Variants in MYO6 observed in about 807,000 individuals in gnomAD.
The protein encoded by MYO6 is unconventional myosin-VI.
In MYO6, 74 loss-of-function variants were observed where a neutral mutation model predicts 178.7. The ratio of observed to expected loss-of-function variants is 0.41; its 90% CI spans 0.34 to 0.50. MYO6 has a LOEUF of 0.50. MYO6 is among the 20% of genes least tolerant of loss of function. The pLI, the probability that MYO6 is intolerant of heterozygous loss-of-function variation, is 0.09. For missense variants in MYO6, 1,330 were observed against 1,547.4 expected, an observed-to-expected ratio of 0.86 and a Z score of 2.36; for synonymous variants, 477 against 504.6, an observed-to-expected ratio of 0.95 and a Z score of 0.73.
chr6:75,872,802 C>T (rs1247746744), intron 19 of MYO6, among the ~76,000 whole-genome samples: 3 of 137,426 alleles, frequency 2.2e-5, no homozygotes, highest in East Asian at 2.0e-4. Flanking sequence ...TTTTTTTTGA[C>T]GGAGTCTCAC....
At chr6:75,905,988 T>C (rs1780285948) in intron 30 of MYO6, among the ~76,000 whole-genome samples, 1 of 152,218 alleles carries the variant, frequency 6.6e-6, no homozygotes, top group African/African-American at 2.4e-5. Context: ...GTATGTGTCT[T>C]CACTGCTTGC....
At chr6:75,824,598 C>T (rs1422566915) in intron 3 of MYO6, among the ~76,000 whole-genome samples, 2 of 151,958 alleles carry the variant, frequency 1.3e-5, no homozygotes, top group Admixed American at 6.6e-5. Context: ...ATGCATATTT[C>T]TAAAATTCTT....
At chr6:75,860,910 C>A in intron 14 of MYO6, 113 bp from the exon 15 acceptor site, 1 of 820,796 alleles carries the variant, frequency 1.2e-6, no homozygotes. Context: ...AAGGCTATAC[C>A]AGTTTGTATA....
chr6:75,817,388 C>A, intron 1 of MYO6, 113 bp from the exon 2 acceptor site: 1 of 679,130 alleles, frequency 1.5e-6, no homozygotes. Flanking sequence ...GTGGCATGGG[C>A]AGATGTGTTT....
Position 75,892,596 on chromosome 6 carries a change from C to G in MYO6, c.3013C>G (p.Gln1005Glu), listed in dbSNP as rs1349800744. ...ATCCCAACAGCAAGCAGTTCTGGAGCAGGAGCGCAGGGACCGGGAGCTGGC... is the reference window on the plus strand; with the variant it reads ...ATCCCAACAGCAAGCAGTTCTGGAGGAGGAGCGCAGGGACCGGGAGCTGGC... Reference protein sequence around the residue: ...EESQQQAVLEQERRDRELALR... With the variant: ...EESQQQAVLEEERRDRELALR... Residue 1005 changes from glutamine (Q) to glutamate (E), a missense_variant, in exon 28 of 35, where the codon CAG (glutamine) becomes GAG (glutamate). By Grantham distance (29) the Gln-to-Glu change is conservative (BLOSUM62 2). This residue lies in a region of MYO6 where 601 missense variants were observed against 626.1 expected (regional missense o/e 0.96). Transcript: ENST00000369977. The G allele has an allele frequency of 6.2e-7, 1 of 1,613,592 alleles. No individual in the cohort carries two copies. The highest frequency in any genetic ancestry group is 2.2e-5 in the East Asian group (1 of 44,892).
rs1297859299 is a variant in MYO6 at position 75,918,359 on chromosome 6, A to T, written c.*3347A>T. On this transcript the variant is annotated 3_prime_UTR_variant, in exon 35 of 35. Transcript: ENST00000369977. Reference sequence around the variant, plus strand: ...AAAGAGAAGAGCAACAGTGGAAGAGACAGGTTGTGTGCCCCTAAAGATTCT... The same window carrying T: ...AAAGAGAAGAGCAACAGTGGAAGAGTCAGGTTGTGTGCCCCTAAAGATTCT... The T allele has an allele frequency of 6.6e-6, 1 of 152,254 alleles. No homozygotes were observed. Among genetic ancestry groups the T allele is most frequent in the African/African-American group, 2.4e-5 (1 of 41,448 alleles). 9.4% of individuals were successfully genotyped at this position (152,254 alleles called of 1,614,324 possible).
At chr6:75,764,678 T>G (rs898371099) in intron 1 of MYO6, among the ~76,000 whole-genome samples, 1 of 152,102 alleles carries the variant, frequency 6.6e-6, no homozygotes, top group African/African-American at 2.4e-5. Flanking sequence ...GACTGCGTAT[T>G]TTGTTTATGT....
chr6:75,841,117 C>A, intron 8 of MYO6, 97 bp from the exon 9 acceptor site: 2 of 1,174,396 alleles, frequency 1.7e-6, no homozygotes, highest in Non-Finnish European at 2.4e-6. Context: ...CTTTGATAGA[C>A]AAATGGTATT....
chr6:75,754,977 C>T (rs941100025), intron 1 of MYO6, among the ~76,000 whole-genome samples: 1 of 152,156 alleles, frequency 6.6e-6, no homozygotes, highest in African/African-American at 2.4e-5. Flanking sequence ...TGCCGGTAAT[C>T]CCAGCACTTT....
intron 14 of MYO6, among the ~76,000 whole-genome samples, 161 bp downstream of exon 14, chr6:75,859,154 C>T (rs1775981103): frequency 1.3e-5 from 2 of 152,116 alleles, no homozygotes; most frequent in Non-Finnish European, 1.5e-5. Flanking sequence ...GGGGCTCAGG[C>T]ACGTCAGAAG....
At chr6:75,840,762 A>C (rs1203183037) in intron 8 of MYO6, 80 bp downstream of exon 8, 1 of 1,008,804 alleles carries the variant, frequency 9.9e-7, no homozygotes, top group East Asian at 2.5e-5. Context: ...CTGTATTTGC[A>C]CTTAATGGTA....
intron 1 of MYO6, among the ~76,000 whole-genome samples, chr6:75,787,676 TTCTCTCTC>T (rs765565236): frequency 0.017 from 423 of 24,860 alleles, 11 homozygotes; most frequent in Middle Eastern, 0.11. Context: ...AATGGAACTA[TTCTCTCTC>T]TCTCTCTCTC....
At chr6:75,787,726 CTCTCTATATATA>C (rs1474566912) in intron 1 of MYO6, among the ~76,000 whole-genome samples, 89 of 20,422 alleles carry the variant, frequency 4.4e-3, no homozygotes, top group East Asian at 5.6e-3. Flanking sequence ...CTCTCTCTCT[CTCTCTATATATA>C]TATATATATA....
intron 1 of MYO6, among the ~76,000 whole-genome samples, chr6:75,785,794 C>T (rs185046632): frequency 1.2e-3 from 178 of 151,978 alleles, no homozygotes; most frequent in African/African-American, 4.2e-3. Context: ...TTTTTTACCC[C>T]CAAGTGGATA....
intron 1 of MYO6, among the ~76,000 whole-genome samples, chr6:75,771,146 C>T (rs1765854025): frequency 6.6e-6 from 1 of 151,936 alleles, no homozygotes; most frequent in Non-Finnish European, 1.5e-5. Flanking sequence ...GGACTAGAGG[C>T]TCATGCCACC....
intron 1 of MYO6, among the ~76,000 whole-genome samples, chr6:75,805,017 A>ATTTTTT: frequency 1.3e-4 from 8 of 60,750 alleles, no homozygotes; most frequent in African/African-American, 8.8e-4. Context: ...ATATATATAT[A>ATTTTTT]TATATTTTTT....
At chr6:75,823,235 C>T (rs770301062) in intron 3 of MYO6, among the ~76,000 whole-genome samples, 1 of 152,098 alleles carries the variant, frequency 6.6e-6, no homozygotes, top group Non-Finnish European at 1.5e-5. Flanking sequence ...CATTTAACAT[C>T]ACCGTTTGAA....
chr6:75,757,284 A>G (rs948896638), intron 1 of MYO6, among the ~76,000 whole-genome samples: 1 of 148,522 alleles, frequency 6.7e-6, no homozygotes, highest in Non-Finnish European at 1.5e-5. Flanking sequence ...CATATACACA[A>G]TATATGTGTG....
In MYO6 at chr6:75,822,865, TA is replaced by T; in HGVS notation, c.187+19del. On this transcript the variant is annotated intron_variant, in intron 3 of 34. Transcript: ENST00000369977. ...TGGAAGATAACTGTAAGTACCAAGT[TA>T]AAAATTAACTCTCCGCACAGAAAAG... 1 of 1,597,710 alleles carries T rather than the reference TA, an allele frequency of 6.3e-7. No homozygotes were observed. The highest frequency in any genetic ancestry group is 8.6e-7 in the Non-Finnish European group (1 of 1,165,482).
Sources: allele counts gnomAD v4.1 joint callset (sites outside exome capture counted in the v4.1 genomes callset), GRCh38; gene constraint gnomAD v4.1.1; regional missense constraint gnomAD v4.1.1; transcripts MANE v1.5; gene names NCBI Gene and HGNC (gene_info 2026-07-23, HGNC 2026-07-21).